MTOR: variants seen among roughly 807,000 people sequenced by gnomAD.
The protein encoded by MTOR is serine/threonine-protein kinase mTOR.
In MTOR, 70 loss-of-function variants were observed where a neutral mutation model predicts 319.8. The observed-to-expected ratio is 0.22, with a 90% confidence interval of 0.18 to 0.27. The LOEUF (loss-of-function observed/expected upper bound fraction) is 0.27. MTOR is among the 10% of genes least tolerant of loss of function. The pLI is 1.00. For synonymous variants in MTOR, 1,183 were observed against 1,211.4 expected (o/e 0.98, Z 0.49); for missense variants, 1,890 against 3,274.4 (o/e 0.58, Z 10.32).
At chr1:11,192,301 G>A in intron 28 of MTOR, 1 of 1,613,994 alleles carries the variant, frequency 6.2e-7, no homozygotes, top group Non-Finnish European at 8.5e-7. Context: ...CCCTCTACCA[G>A]AAGAACTACC....
At chr1:11,169,811 G>A (rs76757336) in intron 28 of MTOR, among the ~76,000 whole-genome samples, 9 of 151,996 alleles carry the variant, frequency 5.9e-5, no homozygotes, top group Admixed American at 1.3e-4. Flanking sequence ...AGGGTTCTTC[G>A]GGGAATTAAA....
intron 28 of MTOR, chr1:11,193,666 G>A (rs1207909680): frequency 2.5e-6 from 4 of 1,614,094 alleles, no homozygotes; most frequent in Non-Finnish European, 2.5e-6. Flanking sequence ...ACCGGGACTG[G>A]AAGCAGTACA....
intron 19 of MTOR, among the ~76,000 whole-genome samples, chr1:11,226,737 C>T (rs1646850572): frequency 6.6e-6 from 1 of 152,040 alleles, no homozygotes; most frequent in African/African-American, 2.4e-5. Flanking sequence ...TCACCTATTG[C>T]AACCTCTGTG....
At chr1:11,142,085 CT>C (rs1005508139) in intron 34 of MTOR, among the ~76,000 whole-genome samples, 5 of 152,180 alleles carry the variant, frequency 3.3e-5, no homozygotes, top group African/African-American at 1.2e-4. Context: ...AATTTTACAT[CT>C]AACAACTATA....
At position 11,115,494 on chromosome 1, in the gene MTOR, G is replaced by A. The variant is rs1406447580; in HGVS notation, c.7017-26C>T. On this transcript the variant is annotated intron_variant, in intron 50 of 57. Transcript: ENST00000361445. The surrounding 1 kb of genome is among the most constrained non-coding windows in gnomAD (Gnocchi z 4.5). ...CTTTGAGAAACAGAAGACAGATCAG[G>A]GAGGGATCAACAGAGATAACGGATG... 1.9e-6 allele frequency: 3 copies of A among 1,606,442 alleles called. No individual in the cohort carries two copies. The African/African-American group carries it at 4.0e-5, about 21-fold the overall frequency.
At chr1:11,245,698 A>G (rs551748574) in intron 8 of MTOR, among the ~76,000 whole-genome samples, 3 of 152,190 alleles carry the variant, frequency 2.0e-5, no homozygotes, top group Non-Finnish European at 4.4e-5. Flanking sequence ...CCAGGAGTTC[A>G]AGACCAGCCT....
chr1:11,229,295 G>A (rs1259646235), intron 18 of MTOR, among the ~76,000 whole-genome samples: 1 of 152,202 alleles, frequency 6.6e-6, no homozygotes, highest in Non-Finnish European at 1.5e-5. Context: ...GCAAACATCT[G>A]TTCAGCAGCT....
intron 54 of MTOR, chr1:11,111,671 T>A (rs2100298991): frequency 6.5e-6 from 1 of 153,740 alleles, no homozygotes; most frequent in East Asian, 1.9e-4. Flanking sequence ...CTCTGACTAT[T>A]TCACGCAGGT....
At chr1:11,171,674 C>T (rs750355336) in intron 28 of MTOR, among the ~76,000 whole-genome samples, 1 of 152,064 alleles carries the variant, frequency 6.6e-6, no homozygotes, top group Non-Finnish European at 1.5e-5. Context: ...GATATACCAC[C>T]TCTAAGGACT....
intron 34 of MTOR, 107 bp from the exon 35 acceptor site, chr1:11,139,765 C>T: frequency 1.4e-6 from 2 of 1,391,604 alleles, no homozygotes; most frequent in South Asian, 2.6e-5. Context: ...AATCTTGGCT[C>T]ACTGCAACCT....
chr1:11,172,401 C>T (rs561842176), intron 28 of MTOR, among the ~76,000 whole-genome samples: 67 of 148,160 alleles, frequency 4.5e-4, no homozygotes, highest in East Asian at 4.0e-3. Flanking sequence ...ACTAAAAATA[C>T]AAAAAAGTTA....
rs745807662 is a variant in MTOR, at chr1:11,127,081, C to T, written c.6280G>A (p.Val2094Ile). ...TCCCAGGCTTGGGTGAGGTCCTTGACATTCCCTGATTTCATGTACTTCCTG... is the reference window on the plus strand; with the variant it reads ...TCCCAGGCTTGGGTGAGGTCCTTGATATTCCCTGATTTCATGTACTTCCTG... ...WCRKYMKSGN[V>I]KDLTQAWDLY... The change falls in exon 45 of 58, where the codon GTC (valine) becomes ATC (isoleucine). Residue 2094 changes from valine to isoleucine, a missense_variant. Physicochemically the swap from Val to Ile is conservative, Grantham distance 29. Transcript: ENST00000361445. This position sits in a 1 kb window ranked among gnomAD's most constrained non-coding sequence, Gnocchi z 5.5. 2 of 1,614,118 alleles carry T rather than the reference C, an allele frequency of 1.2e-6. No individual in the cohort carries two copies. The highest frequency in any genetic ancestry group is 1.3e-5 in the African/African-American group (1 of 74,944).
Position 11,127,532 on chromosome 1 carries a change from T to C in MTOR, c.6216+92A>G, listed in dbSNP as rs567738274. 9 of 1,455,518 alleles carry C rather than the reference T, an allele frequency of 6.2e-6. No individual in the cohort carries two copies. In the African/African-American group the frequency reaches 1.3e-4, roughly 21 times the overall value. 90.2% of individuals were successfully genotyped at this position (1,455,518 alleles called of 1,614,324 possible). On this transcript the variant is annotated intron_variant, in intron 44 of 57. Coordinates refer to ENST00000361445, the MANE Select transcript of MTOR (RefSeq NM_004958.4). The surrounding 1 kb of genome is among the most constrained non-coding windows in gnomAD (Gnocchi z 5.5). ...CTGACAAAGGCCTTGGGTCACGTCC[T>C]TTCATTCTATAAAAACTTTTCTCAT...
chr1:11,113,743 G>C (rs1278548549), intron 53 of MTOR, among the ~76,000 whole-genome samples: 1 of 152,068 alleles, frequency 6.6e-6, no homozygotes, highest in Non-Finnish European at 1.5e-5. Flanking sequence ...CTCCTGAGCA[G>C]GTAGGACCAC....
chr1:11,117,139 A>C, intron 49 of MTOR, 53 bp from the exon 50 acceptor site: 1 of 1,361,134 alleles, frequency 7.3e-7, no homozygotes. Flanking sequence ...TAATTTCAAC[A>C]TAATTATACT....
chr1:11,118,907 G>A (rs1190365770), intron 49 of MTOR, among the ~76,000 whole-genome samples: 2 of 151,834 alleles, frequency 1.3e-5, no homozygotes, highest in Non-Finnish European at 2.9e-5. Context: ...GATTATAGAC[G>A]TGAGCCACTG....
intron 28 of MTOR, chr1:11,193,695 T>C (rs1645652065): frequency 6.2e-7 from 1 of 1,613,998 alleles, no homozygotes; most frequent in African/African-American, 1.3e-5. Context: ...TTTGGCAGCA[T>C]CCGTGGGGAC....
intron 28 of MTOR, among the ~76,000 whole-genome samples, chr1:11,184,665 A>G (rs992139670): frequency 6.6e-6 from 1 of 152,198 alleles, no homozygotes; most frequent in East Asian, 1.9e-4. Flanking sequence ...CACGAGTTCC[A>G]GGTTTCAGTA....
At position 11,212,179 on chromosome 1, in the gene MTOR, A is replaced by G; in HGVS notation, c.3561+133T>C. ...TCAATAAATGTTTGCTGAACACATG[A>G]AAAGAAAAAAAGCAAGTAATTCCAC... is the stretch of plus-strand genomic sequence containing the variant. On this transcript the variant is annotated intron_variant, in intron 23 of 57. Transcript: ENST00000361445. This position sits in a 1 kb window ranked among gnomAD's most constrained non-coding sequence, Gnocchi z 4.1. 1 of 1,160,084 alleles carries G rather than the reference A, an allele frequency of 8.6e-7. No individual in the cohort carries two copies. The highest frequency in any genetic ancestry group is 1.6e-5 in the South Asian group (1 of 63,916). 71.9% of individuals were successfully genotyped at this position (1,160,084 alleles called of 1,614,324 possible). A position where few individuals can be genotyped will look rare whatever the true frequency, so the allele number is the denominator to read the frequency against.
Sources: gnomAD v4.1 joint callset for allele counts (sites outside exome capture counted in the v4.1 genomes callset) on GRCh38, gnomAD v4.1.1 for gene constraint, Gnocchi (gnomAD v3.1) non-coding constraint, MANE v1.5 for transcripts, NCBI Gene and HGNC (gene_info 2026-07-23, HGNC 2026-07-21) for gene names.